Variants in NFIB observed in about 807,000 individuals in gnomAD.
NFIB encodes nuclear factor I B.
Under a neutral mutation model 61.5 loss-of-function variants are expected in NFIB, and 11 were observed. That is an observed-to-expected ratio of 0.18 (90% confidence interval 0.11 to 0.30). NFIB has a LOEUF of 0.30. Ranked by LOEUF, NFIB falls within the 10% of genes least tolerant of loss-of-function variation. The pLI is 1.00. For synonymous variants in NFIB, 260 were observed against 216.5 expected, an observed-to-expected ratio of 1.20 and a Z score of -1.76; for missense variants, 471 against 608.9, an observed-to-expected ratio of 0.77 and a Z score of 2.38.
the NFIB span, among the ~76,000 whole-genome samples, chr9:14,409,500 C>A: frequency 6.6e-6 from 1 of 152,124 alleles, no homozygotes; most frequent in Non-Finnish European, 1.5e-5. Context: ...TCACCCCTGG[C>A]CCAGGCAGCA....
intron 1 of NFIB, among the ~76,000 whole-genome samples, chr9:14,334,511 C>T (rs746685582): frequency 5.3e-5 from 8 of 152,004 alleles, no homozygotes; most frequent in East Asian, 3.9e-4. Context: ...ATATTTTTCC[C>T]GTTTTTATTT....
chr9:14,254,841 A>T (rs2056056029), intron 2 of NFIB, among the ~76,000 whole-genome samples: 1 of 152,212 alleles, frequency 6.6e-6, no homozygotes, highest in Admixed American at 6.5e-5. Flanking sequence ...ATTTACAAGC[A>T]AGGTCTAGAG....
the NFIB span, among the ~76,000 whole-genome samples, chr9:14,468,701 A>G: frequency 1.3e-5 from 2 of 152,222 alleles, no homozygotes; most frequent in Non-Finnish European, 2.9e-5. Flanking sequence ...GTGGATGTAT[A>G]TGAAGAAGGA....
the NFIB span, among the ~76,000 whole-genome samples, chr9:14,499,596 T>G: frequency 2.6e-3 from 390 of 152,274 alleles, 2 homozygotes; most frequent in African/African-American, 8.9e-3. Context: ...TATAGCAACT[T>G]GAAAAGGCAG....
At chr9:14,461,074 C>G in the NFIB span, among the ~76,000 whole-genome samples, 2 of 152,088 alleles carry the variant, frequency 1.3e-5, no homozygotes, top group African/African-American at 2.4e-5. Context: ...TCCCTGACCC[C>G]CAAGGCTGGA....
At chr9:14,216,664 T>C (rs1215218618) in intron 2 of NFIB, among the ~76,000 whole-genome samples, 1 of 151,760 alleles carries the variant, frequency 6.6e-6, no homozygotes, top group Non-Finnish European at 1.5e-5. Context: ...AGACGCTGTG[T>C]CCTCCAAAGG....
intron 2 of NFIB, among the ~76,000 whole-genome samples, chr9:14,255,484 G>C (rs951860855): frequency 6.6e-6 from 1 of 152,068 alleles, no homozygotes; most frequent in African/African-American, 2.4e-5. Flanking sequence ...TGACTGAGGG[G>C]ATGATAAACT....
In NFIB at chr9:14,187,261, T is replaced by G. The variant is rs28571105; in HGVS notation, c.563-7481A>C. Reference sequence around the variant, plus strand: ...TTGTTTGTTGTTTGTTTGTTTGTTTTTTTAGTGAATCCGTACTCCTCCTAA... The same window carrying G: ...TTGTTTGTTGTTTGTTTGTTTGTTTGTTTAGTGAATCCGTACTCCTCCTAA... On this transcript the variant is annotated intron_variant, in intron 2 of 10. Transcript: ENST00000380953. Among the ~76,000 whole-genome samples the G allele has an allele frequency of 2.7e-3, 405 of 151,752 alleles. 1 individual carries two copies. The highest frequency in any genetic ancestry group is 9.3e-3 in the African/African-American group (381 of 41,090).
At chr9:14,377,968 TGTGATCACTCTAGTA>T (rs1467231297) in intron 1 of NFIB, among the ~76,000 whole-genome samples, 7 of 152,202 alleles carry the variant, frequency 4.6e-5, no homozygotes, top group Non-Finnish European at 5.9e-5. Flanking sequence ...ATGACAAATC[TGTGATCACTCTAGTA>T]GTGATCACTC....
At chr9:14,223,230 G>A (rs1271956989) in intron 2 of NFIB, among the ~76,000 whole-genome samples, 1 of 152,210 alleles carries the variant, frequency 6.6e-6, no homozygotes, top group Non-Finnish European at 1.5e-5. Context: ...TTAGATGATA[G>A]AGCAGGGACT....
chr9:14,092,751 C>G (rs2034137992), intron 10 of NFIB, among the ~76,000 whole-genome samples: 1 of 152,014 alleles, frequency 6.6e-6, no homozygotes, highest in East Asian at 1.9e-4. Context: ...TCCTCTGAAA[C>G]AAATCTAGTT....
the NFIB span, among the ~76,000 whole-genome samples, chr9:14,430,595 TA>T: frequency 6.6e-6 from 1 of 151,982 alleles, no homozygotes; most frequent in African/African-American, 2.4e-5. Context: ...TTTATTTATT[TA>T]TTTGAGACAC....
rs140518854 is a variant in NFIB, at chr9:14,385,577, T to A, written c.108+12947A>T. ...TATGAATAACACAGACAATTCTTAC[T>A]TAGAAGGAAGGAAAAAAACCCACCA... is the stretch of plus-strand genomic sequence containing the variant. On this transcript the variant is annotated intron_variant, in intron 1 of 8. Transcript: ENST00000380934. Among the ~76,000 whole-genome samples, 405 of 152,282 alleles carry A rather than the reference T, an allele frequency of 2.7e-3. 2 individuals carry two copies. The highest frequency in any genetic ancestry group is 9.4e-3 in the African/African-American group (392 of 41,552).
chr9:14,279,883 T>C (rs188421229), intron 2 of NFIB, among the ~76,000 whole-genome samples: 1 of 152,192 alleles, frequency 6.6e-6, no homozygotes, highest in South Asian at 2.1e-4. Context: ...ATATTTCTCA[T>C]CTAAAACAAT....
chr9:14,338,098 G>A (rs1171518216), intron 1 of NFIB, among the ~76,000 whole-genome samples: 1 of 152,120 alleles, frequency 6.6e-6, no homozygotes, highest in Non-Finnish European at 1.5e-5. Flanking sequence ...TAAATTGAAA[G>A]AAAAGAAAAT....
intron 3 of NFIB, among the ~76,000 whole-genome samples, chr9:14,167,850 C>G (rs1291401558): frequency 1.3e-5 from 2 of 152,136 alleles, no homozygotes; most frequent in African/African-American, 2.4e-5. Flanking sequence ...AGTATACTCC[C>G]TAGTAAACAA....
At chr9:14,402,849 T>C (rs2061755693), upstream of NFIB, among the ~76,000 whole-genome samples, 1 of 152,174 alleles carries the variant, frequency 6.6e-6, no homozygotes, top group Non-Finnish European at 1.5e-5. Flanking sequence ...TGCTCAGAAA[T>C]TTAAAAAATA....
chr9:14,388,367 A>AAGGAAGGAAG, intron 1 of NFIB, among the ~76,000 whole-genome samples: 1 of 131,924 alleles, frequency 7.6e-6, no homozygotes, highest in African/African-American at 3.0e-5. Context: ...AGAGAAAGAA[A>AAGGAAGGAAG]GAAGGAAGGA....
chr9:14,197,305 A>C lies in NFIB; in HGVS notation c.563-17525T>G, dbSNP rs192880776. Reference sequence around the variant, plus strand: ...ACTCTCCTGTCTCAAACAAGCTATAATAAAACTTTATTCCAGTCCACTGGG... The same window carrying C: ...ACTCTCCTGTCTCAAACAAGCTATACTAAAACTTTATTCCAGTCCACTGGG... On this transcript the variant is annotated intron_variant, in intron 2 of 10. Transcript: ENST00000380953. Among the ~76,000 whole-genome samples, 13 of 152,362 alleles carry C rather than the reference A, an allele frequency of 8.5e-5. No individual in the cohort carries two copies. The East Asian group carries it at 2.3e-3, about 27-fold the overall frequency.
Sources: allele counts gnomAD v4.1 joint callset (sites outside exome capture counted in the v4.1 genomes callset), GRCh38; gene constraint gnomAD v4.1.1; transcripts MANE v1.5; gene names NCBI Gene and HGNC (gene_info 2026-07-23, HGNC 2026-07-21).